COX7A2L: variants seen among roughly 807,000 people sequenced by gnomAD.
COX7A2L encodes cytochrome c oxidase subunit 7A2 like, also known as cytochrome c oxidase subunit 7A2-like, mitochondrial.
In COX7A2L, 18 loss-of-function variants were observed where a neutral mutation model predicts 14.2. The ratio of observed to expected loss-of-function variants is 1.27; its 90% CI spans 0.88 to 1.88. The LOEUF (loss-of-function observed/expected upper bound fraction) is 1.88. Ranked by LOEUF, COX7A2L falls within the 40% of genes most tolerant of loss-of-function variation. COX7A2L has a pLI of 0.00. For missense variants in COX7A2L, 179 were observed against 138.8 expected (o/e 1.29, Z -1.46); for synonymous variants, 65 against 57.4 (o/e 1.13, Z -0.60).
intron 1 of COX7A2L, among the ~76,000 whole-genome samples, chr2:42,366,808 G>A (rs1671173235): frequency 6.6e-6 from 1 of 152,096 alleles, no homozygotes; most frequent in South Asian, 2.1e-4. Flanking sequence ...CATTTCCCCA[G>A]CCCCCTTCCC....
chr2:42,360,942 G>A (rs1259838989), intron 1 of COX7A2L, 148 bp downstream of exon 1: 1 of 772,006 alleles, frequency 1.3e-6, no homozygotes, highest in Non-Finnish European at 2.2e-6. Context: ...CCGTACGCTG[G>A]TGTGGAGAGG....
downstream of COX7A2L, among the ~76,000 whole-genome samples, chr2:42,347,969 T>C (rs958232685): frequency 2.0e-5 from 3 of 152,068 alleles, no homozygotes; most frequent in African/African-American, 7.3e-5. Context: ...TATATCATAA[T>C]AAACAGAGGA....
Position 42,355,717 on chromosome 2 carries a change from CTTTTTTT to C in COX7A2L, c.73-2381_73-2375del, listed in dbSNP as rs386390054. Among the ~76,000 whole-genome samples the C allele has an allele frequency of 7.0e-3, 486 of 69,020 alleles. 5 individuals carry two copies. The highest frequency in any genetic ancestry group is 0.026 in the African/African-American group (447 of 16,874). 45.3% of individuals were successfully genotyped at this position (69,020 alleles called of 152,430 possible). Reference sequence around the variant, plus strand: ...CAGTCACAGTGTAAAATCCTACGTTCTTTTTTTTTTTTTTTTTTTTTTTTTTGAGACG... The same window carrying C: ...CAGTCACAGTGTAAAATCCTACGTTCTTTTTTTTTTTTTTTTTTTGAGACG... On this transcript the variant is annotated intron_variant, in intron 1 of 2. Transcript: ENST00000234301.
In COX7A2L at chr2:42,351,060, G is replaced by T; in HGVS notation, c.*159C>A. ...TCGAATGAGCTCTGACAAGCCATAT[G>T]CATTTCATAAACAAACCAAAACATC... On this transcript the variant is annotated 3_prime_UTR_variant, in exon 3 of 3. Coordinates refer to ENST00000234301, the MANE Select transcript of COX7A2L (RefSeq NM_004718.4). The T allele has an allele frequency of 1.4e-6, 1 of 736,798 alleles. No homozygotes were observed. The highest frequency in any genetic ancestry group is 2.1e-6 in the Non-Finnish European group (1 of 468,622). 45.6% of individuals were successfully genotyped at this position (736,798 alleles called of 1,614,324 possible).
Position 42,353,838 on chromosome 2 carries a change from CT to C in COX7A2L, c.73-496del, listed in dbSNP as rs1670728768. Among the ~76,000 whole-genome samples, 4 of 152,252 alleles carry C rather than the reference CT, an allele frequency of 2.6e-5. No homozygotes were observed. In the South Asian group the frequency reaches 8.3e-4, roughly 32 times the overall value. On this transcript the variant is annotated intron_variant, in intron 1 of 2. Transcript: ENST00000234301. ...CAGAAAACAAAATCAAAACAAAAAACTTTTCGAAATGAACTTTTCAGCATAA... is the reference window on the plus strand; with the variant it reads ...CAGAAAACAAAATCAAAACAAAAAACTTTCGAAATGAACTTTTCAGCATAA...
chr2:42,341,327 A>G (rs1670400097), intron 2 of COX7A2L, among the ~76,000 whole-genome samples: 1 of 152,180 alleles, frequency 6.6e-6, no homozygotes, highest in South Asian at 2.1e-4. Flanking sequence ...AAGCCAGGTC[A>G]TGGCGTCGCA....
intron 1 of COX7A2L, among the ~76,000 whole-genome samples, chr2:42,354,358 G>A (rs1262920262): frequency 6.6e-6 from 1 of 152,070 alleles, no homozygotes; most frequent in Non-Finnish European, 1.5e-5. Flanking sequence ...AAAATAACCT[G>A]TAAATTAAAA....
rs1052311347 is a variant in COX7A2L at position 42,342,219 on chromosome 2, G to C, written c.193-8350C>G. ...ACAACTGAAGCCTAAGCCTGGTACA[G>C]CTGGAACCCTGAAGGGGGCCCTGGA... On this transcript the variant is annotated intron_variant, in intron 2 of 2. Transcript: ENST00000468711. The surrounding 1 kb of genome is among the most constrained non-coding windows in gnomAD (Gnocchi z 4.9). 2.6e-5 allele frequency among the ~76,000 whole-genome samples: 4 copies of C among 152,120 alleles called. No individual in the cohort carries two copies. The highest frequency in any genetic ancestry group is 5.9e-5 in the Non-Finnish European group (4 of 68,006).
rs1339635001 is a variant in COX7A2L at position 42,342,934 on chromosome 2, A to T, written c.193-9065T>A. ...GCAGTGCCGCACCCGGGCACCGTGG[A>T]GCCACAGAGGTCAGGAGGCCTGATT... On this transcript the variant is annotated intron_variant, in intron 2 of 2. Coordinates refer to the COX7A2L transcript ENST00000468711. This position sits in a 1 kb window ranked among gnomAD's most constrained non-coding sequence, Gnocchi z 4.9. 1.3e-5 allele frequency among the ~76,000 whole-genome samples: 2 copies of T among 152,016 alleles called. No individual in the cohort carries two copies. The highest frequency in any genetic ancestry group is 4.8e-5 in the African/African-American group (2 of 41,364).
At position 42,342,917 on chromosome 2, in the gene COX7A2L, G is replaced by A. The variant is rs1296148925; in HGVS notation, c.193-9048C>T. The stretch of plus-strand genomic sequence containing the variant: ...TCCCAACACATCCTGCAGCAGTGCC[G>A]CACCCGGGCACCGTGGAGCCACAGA... On this transcript the variant is annotated intron_variant, in intron 2 of 2. Transcript: ENST00000468711. This position sits in a 1 kb window ranked among gnomAD's most constrained non-coding sequence, Gnocchi z 4.9. 1.3e-5 allele frequency among the ~76,000 whole-genome samples: 2 copies of A among 152,142 alleles called. No homozygotes were observed. The highest frequency in any genetic ancestry group is 1.9e-4 in the East Asian group (1 of 5,196).
Position 42,338,127 on chromosome 2 carries a change from T to TGGTC in COX7A2L, c.193-4262_193-4259dup, listed in dbSNP as rs1166788998. 1.3e-5 allele frequency among the ~76,000 whole-genome samples: 2 copies of TGGTC among 152,154 alleles called. No individual in the cohort carries two copies. The highest frequency in any genetic ancestry group is 2.9e-5 in the Non-Finnish European group (2 of 68,020). ...GTCCGCCCCTCCGATGACGGTTGGT[T>TGGTC]GGTCCATAACCCTACTCCCCATGCT... On this transcript the variant is annotated intron_variant, in intron 2 of 2. Transcript: ENST00000468711. The surrounding 1 kb of genome is among the most constrained non-coding windows in gnomAD (Gnocchi z 4.4).
Position 42,339,360 on chromosome 2 carries a change from C to G in COX7A2L, c.193-5491G>C, listed in dbSNP as rs1346271366. On this transcript the variant is annotated intron_variant, in intron 2 of 2. Coordinates refer to the COX7A2L transcript ENST00000468711. This position sits in a 1 kb window ranked among gnomAD's most constrained non-coding sequence, Gnocchi z 5.4. ...CCTGATTCAACGCTAGGCTCCGTTCCACACCACTCACTCGAAGCATGAGAG... is the reference window on the plus strand; with the variant it reads ...CCTGATTCAACGCTAGGCTCCGTTCGACACCACTCACTCGAAGCATGAGAG... Among the ~76,000 whole-genome samples, 3 of 152,138 alleles carry G rather than the reference C, an allele frequency of 2.0e-5. No individual in the cohort carries two copies. The highest frequency in any genetic ancestry group is 4.4e-5 in the Non-Finnish European group (3 of 68,012).
chr2:42,365,217 C>A (rs527572605), upstream of COX7A2L, among the ~76,000 whole-genome samples: 1 of 152,146 alleles, frequency 6.6e-6, no homozygotes, highest in East Asian at 1.9e-4. Context: ...GTTTGGGGGA[C>A]GGGTGGTGGT....
intron 1 of COX7A2L, among the ~76,000 whole-genome samples, chr2:42,355,472 C>T (rs1020817434): frequency 6.6e-6 from 1 of 152,120 alleles, no homozygotes; most frequent in Non-Finnish European, 1.5e-5. Context: ...ATTTGTTTGT[C>T]CAAGCATGCA....
chr2:42,340,152 C>G (rs1308630109), intron 2 of COX7A2L, among the ~76,000 whole-genome samples: 8 of 152,144 alleles, frequency 5.3e-5, no homozygotes, highest in Admixed American at 5.2e-4. Context: ...AAGAAACACG[C>G]CCTGCCTTGT....
intron 2 of COX7A2L, 88 bp from the exon 3 acceptor site, chr2:42,351,447 G>C: frequency 6.8e-7 from 1 of 1,465,500 alleles, no homozygotes; most frequent in Non-Finnish European, 9.3e-7. Context: ...TGTCTACTCG[G>C]TAAGTAATTC....
At position 42,338,740 on chromosome 2, in the gene COX7A2L, A is replaced by C. The variant is rs538928758; in HGVS notation, c.193-4871T>G. Among the ~76,000 whole-genome samples the C allele has an allele frequency of 2.6e-5, 4 of 152,190 alleles. No homozygotes were observed. Among genetic ancestry groups the C allele is most frequent in the Non-Finnish European group, 5.9e-5 (4 of 68,038 alleles). On this transcript the variant is annotated intron_variant, in intron 2 of 2. Coordinates refer to the COX7A2L transcript ENST00000468711. The surrounding 1 kb of genome is among the most constrained non-coding windows in gnomAD (Gnocchi z 4.4). Reference sequence around the variant, plus strand: ...TGGCTACGGTGGAAAAGGCCTCAGGAAACAGTTTTCACTCACAGGGAGAAT... The same window carrying C: ...TGGCTACGGTGGAAAAGGCCTCAGGCAACAGTTTTCACTCACAGGGAGAAT...
At chr2:42,336,028 C>T (rs763342311) in intron 2 of COX7A2L, among the ~76,000 whole-genome samples, 2 of 152,212 alleles carry the variant, frequency 1.3e-5, no homozygotes, top group Non-Finnish European at 2.9e-5. Flanking sequence ...CCCTAATGTT[C>T]AATTTAAACC....
chr2:42,351,436 T>G, intron 2 of COX7A2L, 77 bp from the exon 3 acceptor site: 1 of 1,538,572 alleles, frequency 6.5e-7, no homozygotes, highest in Non-Finnish European at 8.9e-7. Context: ...AATAACAAAT[T>G]TGTCTACTCG....
Sources: allele counts gnomAD v4.1 joint callset (sites outside exome capture counted in the v4.1 genomes callset), GRCh38; gene constraint gnomAD v4.1.1; non-coding constraint Gnocchi (gnomAD v3.1); transcripts MANE v1.5; gene names NCBI Gene and HGNC (gene_info 2026-07-23, HGNC 2026-07-21).